The following EEA1 variants were observed in gnomAD, a reference collection of about 807,000 sequenced individuals.
The protein encoded by EEA1 is early endosome antigen 1, also known as early endosome antigen 1, 162kD.
A neutral mutation model predicts 209.2 loss-of-function variants in EEA1; 111 were observed. That is an observed-to-expected ratio of 0.53 (90% CI 0.45 to 0.62). EEA1 has a LOEUF of 0.62. Ranked by LOEUF, EEA1 falls within the 20% of genes least tolerant of loss-of-function variation. The pLI, the probability that EEA1 is intolerant of heterozygous loss-of-function variation, is 0.00. For missense variants in EEA1, 1,343 were observed against 1,530.8 expected, an observed-to-expected ratio of 0.88 and a Z score of 2.05; for synonymous variants, 536 against 540.6, an observed-to-expected ratio of 0.99 and a Z score of 0.12.
At chr12:92,816,926 T>G (rs1875818238) in intron 14 of EEA1, among the ~76,000 whole-genome samples, 1 of 151,414 alleles carries the variant, frequency 6.6e-6, no homozygotes, top group African/African-American at 2.5e-5. Flanking sequence ...AATGGTATCT[T>G]TTGAAAAGCA....
At chr12:92,794,411 C>T (rs1874556351) in intron 21 of EEA1, among the ~76,000 whole-genome samples, 1 of 152,120 alleles carries the variant, frequency 6.6e-6, no homozygotes, top group Non-Finnish European at 1.5e-5. Flanking sequence ...AATCGTGCTA[C>T]TATAAAGACA....
At chr12:92,779,445 T>C (rs1873804579) in intron 24 of EEA1, 145 bp from the exon 25 acceptor site, 2 of 746,256 alleles carry the variant, frequency 2.7e-6, no homozygotes, top group Non-Finnish European at 4.0e-6. Context: ...TTTTAAAGAA[T>C]TGGTTAAAAA....
At position 92,773,665 on chromosome 12, in the gene EEA1, C is replaced by G. The variant is rs1406281886; in HGVS notation, c.*2346G>C. ...GTACATGCCAGCTTTAACTGACTGA[C>G]AAAATAATAGTACCAGCAAACATGT... On this transcript the variant is annotated 3_prime_UTR_variant, in exon 29 of 29. Coordinates refer to ENST00000322349, the MANE Select transcript of EEA1 (RefSeq NM_003566.4). 1 of 151,410 alleles carries G rather than the reference C, an allele frequency of 6.6e-6. No homozygotes were observed. Among genetic ancestry groups the G allele is most frequent in the South Asian group, 2.1e-4 (1 of 4,822 alleles). The allele number at this position is 151,410 out of a possible 1,614,324, so 9.4% of individuals were successfully genotyped here.
At chr12:92,861,869 G>C (rs995474993) in intron 3 of EEA1, among the ~76,000 whole-genome samples, 1 of 152,076 alleles carries the variant, frequency 6.6e-6, no homozygotes, top group Admixed American at 6.5e-5. Context: ...TAGGGAAAAA[G>C]GGGTGGCAAG....
At chr12:92,817,021 C>T (rs1875824972) in intron 14 of EEA1, among the ~76,000 whole-genome samples, 1 of 150,986 alleles carries the variant, frequency 6.6e-6, no homozygotes, top group African/African-American at 2.5e-5. Context: ...GCTTTTTGAC[C>T]ATGTTTTTAA....
chr12:92,870,780 G>A (rs984892309), intron 2 of EEA1, among the ~76,000 whole-genome samples: 2 of 151,918 alleles, frequency 1.3e-5, no homozygotes, highest in Non-Finnish European at 2.9e-5. Flanking sequence ...ATGTTCAAGC[G>A]ATTCTTGTGC....
chr12:92,869,466 G>A (rs969810292), intron 2 of EEA1, among the ~76,000 whole-genome samples: 2 of 151,796 alleles, frequency 1.3e-5, no homozygotes, highest in African/African-American at 2.4e-5. Flanking sequence ...AGCCCTGGCC[G>A]GGCGCAGTTG....
At chr12:92,831,510 GAAT>G (rs1217111977) in intron 11 of EEA1, among the ~76,000 whole-genome samples, 3 of 146,726 alleles carry the variant, frequency 2.0e-5, no homozygotes, top group Admixed American at 6.8e-5. Context: ...TATATGATAT[GAAT>G]AATATATGAA....
intron 1 of EEA1, among the ~76,000 whole-genome samples, 194 bp downstream of exon 1, chr12:92,928,849 T>C (rs1881311724): frequency 6.6e-6 from 1 of 150,456 alleles, no homozygotes; most frequent in Non-Finnish European, 1.5e-5. Flanking sequence ...ACCAGGGCTC[T>C]GCCTGCCGCC....
chr12:92,900,602 A>C (rs1880105222), intron 1 of EEA1, among the ~76,000 whole-genome samples: 1 of 152,090 alleles, frequency 6.6e-6, no homozygotes, highest in African/African-American at 2.4e-5. Context: ...GGATGTGGCA[A>C]AAAGTAAATG....
At chr12:92,856,210 A>G (rs1312710922) in intron 5 of EEA1, among the ~76,000 whole-genome samples, 1 of 152,222 alleles carries the variant, frequency 6.6e-6, no homozygotes, top group Non-Finnish European at 1.5e-5. Flanking sequence ...ATTCTTACAA[A>G]TGATGACTAT....
At chr12:92,778,866 TAAA>T (rs34824827) in intron 25 of EEA1, among the ~76,000 whole-genome samples, 4 of 151,978 alleles carry the variant, frequency 2.6e-5, no homozygotes, top group Non-Finnish European at 5.9e-5. Flanking sequence ...TTCTGACACT[TAAA>T]AAACAAAAAA....
rs1414802587 is a variant in EEA1 at position 92,832,687 on chromosome 12, A to G, written c.1079T>C (p.Leu360Pro). ...ACTTAGTTCTACATGTATTCTATGC[A>G]GTGAGGTTTCAGATGCAGACAATCT... Reference protein sequence around the residue: ...QSRLSASETSLHRIHVELSEK... With the variant: ...QSRLSASETSPHRIHVELSEK... Residue 360 changes from leucine (L) to proline (P), a missense_variant, in exon 11 of 29, where the codon CTG becomes CCG. Leu to Pro is a moderately conservative substitution (Grantham distance 98). Around this residue, in one of 3 missense-constraint regions of EEA1, gnomAD observed 1,307 missense variants for 1,465.5 expected, o/e 0.89. Transcript: ENST00000322349. 6.2e-7 allele frequency: 1 copy of G among 1,613,886 alleles called. No individual in the cohort carries two copies. Among genetic ancestry groups the G allele is most frequent in the Non-Finnish European group, 8.5e-7 (1 of 1,179,986 alleles).
chr12:92,864,827 A>C, intron 3 of EEA1, 33 bp downstream of exon 3: 2 of 1,520,414 alleles, frequency 1.3e-6, no homozygotes, highest in Non-Finnish European at 1.8e-6. Flanking sequence ...TGCATATTCC[A>C]TAACATTATA....
rs540827379 is a variant in EEA1 at position 92,925,822 on chromosome 12, T to C, written c.24+3221A>G. Among the ~76,000 whole-genome samples the C allele has an allele frequency of 3.9e-5, 6 of 152,276 alleles. No individual in the cohort carries two copies. The South Asian group carries it at 8.3e-4, about 21-fold the overall frequency. ...AACCAGAAACCAAATTTCCGTAAAG[T>C]ATCCTGAGACTTATTGATGATGTTC... On this transcript the variant is annotated intron_variant, in intron 1 of 28. Coordinates refer to ENST00000322349, the MANE Select transcript of EEA1 (RefSeq NM_003566.4).
At chr12:92,854,612 C>T (rs764201550) in intron 5 of EEA1, among the ~76,000 whole-genome samples, 4 of 152,202 alleles carry the variant, frequency 2.6e-5, no homozygotes, top group Non-Finnish European at 4.4e-5. Context: ...TGGCAGGCTG[C>T]ACTTTTTCAG....
chr12:92,786,660 G>A (rs1874146504), intron 22 of EEA1, among the ~76,000 whole-genome samples: 1 of 152,080 alleles, frequency 6.6e-6, no homozygotes, highest in South Asian at 2.1e-4. Flanking sequence ...AATTTATGGA[G>A]AAAGGAAGTT....
At chr12:92,905,214 G>A (rs1880324120) in intron 1 of EEA1, among the ~76,000 whole-genome samples, 1 of 151,992 alleles carries the variant, frequency 6.6e-6, no homozygotes, top group African/African-American at 2.4e-5. Context: ...CAAGAAAAAA[G>A]ACCAAATATA....
At chr12:92,881,165 A>G (rs1053701014) in intron 2 of EEA1, among the ~76,000 whole-genome samples, 2 of 152,152 alleles carry the variant, frequency 1.3e-5, no homozygotes, top group Non-Finnish European at 2.9e-5. Flanking sequence ...GCACTTTGGG[A>G]AGCCGAGGCG....
Sources: gnomAD v4.1 joint callset for allele counts (sites outside exome capture counted in the v4.1 genomes callset) on GRCh38, gnomAD v4.1.1 for gene constraint, gnomAD v4.1.1 regional missense constraint, MANE v1.5 for transcripts, NCBI Gene and HGNC (gene_info 2026-07-23, HGNC 2026-07-21) for gene names.